Variants in FBRS observed in about 807,000 individuals in gnomAD.
The protein encoded by FBRS is probable fibrosin-1.
A neutral mutation model predicts 86.1 loss-of-function variants in FBRS; 15 were observed. The observed-to-expected ratio is 0.17, with a 90% CI of 0.12 to 0.27. The LOEUF (loss-of-function observed/expected upper bound fraction) is 0.27. FBRS is among the 10% of genes least tolerant of loss of function. The probability of loss-of-function intolerance (pLI) is 1.00; values close to 1 mark genes in which losing one functional copy is unlikely to be tolerated. For synonymous variants in FBRS, 666 were observed against 575.8 expected (o/e 1.16, Z -2.24); for missense variants, 1,367 against 1,301.6 (o/e 1.05, Z -0.77).
At chr16:30,662,308 C>A in intron 4 of FBRS, 112 bp from the exon 5 acceptor site, 1 of 1,482,830 alleles carries the variant, frequency 6.7e-7, no homozygotes, top group Non-Finnish European at 9.1e-7. Flanking sequence ...ACTGAAGGAA[C>A]AGACTTGCCA....
Position 30,659,789 on chromosome 16 carries a change from C to A in FBRS, c.271C>A (p.Pro91Thr). ...GCGGCCCCGTCCGAGACCTCGACCC[C>A]CGCGACCCCGAGCTCGGAAGCGGCC... ...RRRPRPRPRP[P>T]RPRARKRPAG... is the part of the protein sequence containing the mutation. The change falls in exon 1 of 18, where the codon CCG (proline) becomes ACG (threonine). Residue 91 changes from proline to threonine, a missense_variant. By Grantham distance (38) the Pro-to-Thr change is conservative (BLOSUM62 -1). This residue lies in a region of FBRS where 702 missense variants were observed against 598.7 expected (regional missense o/e 1.17). Transcript: ENST00000356166. 1 of 1,498,058 alleles carries A rather than the reference C, an allele frequency of 6.7e-7. No homozygotes were observed. Among genetic ancestry groups the A allele is most frequent in the African/African-American group, 1.4e-5 (1 of 70,954 alleles). The allele number at this position is 1,498,058 out of a possible 1,614,324, so 92.8% of individuals were successfully genotyped here. A position where few individuals can be genotyped will look rare whatever the true frequency, so the allele number is the denominator to read the frequency against.
At position 30,667,417 on chromosome 16, in the gene FBRS, C is replaced by A; in HGVS notation, c.1973C>A (p.Ala658Asp). 6.5e-7 allele frequency: 1 copy of A among 1,547,176 alleles called. No homozygotes were observed. The highest frequency in any genetic ancestry group is 8.7e-7 in the Non-Finnish European group (1 of 1,144,086). The change falls in exon 14 of 18, where the codon GCC becomes GAC. Residue 658 changes from alanine to aspartate, a missense_variant. By Grantham distance (126) the Ala-to-Asp change is moderately radical (BLOSUM62 -2). Coordinates refer to ENST00000356166, the MANE Select transcript of FBRS (RefSeq NM_001105079.3). ...LPPGQELSHPASLFTATGAVH... is the reference protein window; with the variant it reads ...LPPGQELSHPDSLFTATGAVH... ...CCTGGGCAGGAGCTCTCCCACCCGGCCTCCCTCTTCACTGCGACTGGTGAG... is the reference window on the plus strand; with the variant it reads ...CCTGGGCAGGAGCTCTCCCACCCGGACTCCCTCTTCACTGCGACTGGTGAG...
In FBRS at chr16:30,660,102, C is replaced by T. The variant is rs1170767219; in HGVS notation, c.459+125C>T. The stretch of plus-strand genomic sequence containing the variant: ...CCCCAAACCAGAGCAACCGGCTCCT[C>T]TGGCCAGGCCTCTGCCCCGCCCTGG... On this transcript the variant is annotated intron_variant, in intron 1 of 17. Coordinates refer to ENST00000356166, the MANE Select transcript of FBRS (RefSeq NM_001105079.3). 3 of 1,438,662 alleles carry T rather than the reference C, an allele frequency of 2.1e-6. No homozygotes were observed. In the East Asian group the frequency reaches 8.0e-5, roughly 38 times the overall value. The allele number at this position is 1,438,662 out of a possible 1,614,324, so 89.1% of individuals were successfully genotyped here.
In FBRS at chr16:30,666,797, T is replaced by C. The variant is rs573176649; in HGVS notation, c.1804-122T>C. 339 of 1,177,652 alleles carry C rather than the reference T, an allele frequency of 2.9e-4. 1 individual carries two copies. Among genetic ancestry groups the C allele is most frequent in the Non-Finnish European group, 3.2e-4 (258 of 807,968 alleles). 73.0% of individuals were successfully genotyped at this position (1,177,652 alleles called of 1,614,324 possible). ...TAAAATGAACCTAGTCATCCCTTGG[T>C]TGTAGGAATGATGAGTAGGGATATT... On this transcript the variant is annotated intron_variant, in intron 12 of 17. Coordinates refer to ENST00000356166, the MANE Select transcript of FBRS (RefSeq NM_001105079.3).
chr16:30,669,797 C>G lies in FBRS; in HGVS notation c.*152C>G. On this transcript the variant is annotated 3_prime_UTR_variant, in exon 18 of 18. Coordinates refer to ENST00000356166, the MANE Select transcript of FBRS (RefSeq NM_001105079.3). The surrounding 1 kb of genome is among the most constrained non-coding windows in gnomAD (Gnocchi z 5.9). ...GAACCTGGGAACAGAAGCCTCAACC[C>G]CCACAAGACCAAGCATCACATGGAG... The G allele has an allele frequency of 1.0e-6, 1 of 965,678 alleles. No individual in the cohort carries two copies. Among genetic ancestry groups the G allele is most frequent in the Non-Finnish European group, 1.5e-6 (1 of 671,190 alleles). The allele number at this position is 965,678 out of a possible 1,614,324, so 59.8% of individuals were successfully genotyped here. A position where few individuals can be genotyped will look rare whatever the true frequency, so the allele number is the denominator to read the frequency against.
chr16:30,668,546 C>A lies in FBRS; in HGVS notation c.2075-14C>A, dbSNP rs930984134. ...GCTGCCCAGTGCTCTGACCACCCCC[C>A]TTTCCTCCCACAGATCCCTTTGGGC... On this transcript the variant is annotated splice_polypyrimidine_tract_variant and intron_variant, in intron 15 of 17. Coordinates refer to ENST00000356166, the MANE Select transcript of FBRS (RefSeq NM_001105079.3). 1.2e-6 allele frequency: 2 copies of A among 1,606,876 alleles called. No homozygotes were observed. Among genetic ancestry groups the A allele is most frequent in the Admixed American group, 1.7e-5 (1 of 59,818 alleles).
rs565180270 is a variant in FBRS, at chr16:30,665,859, T to C, written c.1773+153T>C. The C allele has an allele frequency of 3.0e-6, 2 of 671,446 alleles. No homozygotes were observed. Among genetic ancestry groups the C allele is most frequent in the South Asian group, 2.0e-5 (1 of 49,632 alleles). 41.6% of individuals were successfully genotyped at this position (671,446 alleles called of 1,614,324 possible). ...TAGAGAGGGAATTTCTGTAAATAGC[T>C]GGCTTTCCCAGGCATGAGGAATGAG... is the stretch of plus-strand genomic sequence containing the variant. On this transcript the variant is annotated intron_variant, in intron 11 of 17. Transcript: ENST00000356166. The surrounding 1 kb of genome is among the most constrained non-coding windows in gnomAD (Gnocchi z 4.1).
chr16:30,667,714 T>C (rs1027695069), intron 15 of FBRS, 92 bp downstream of exon 15: 15 of 1,176,920 alleles, frequency 1.3e-5, no homozygotes, highest in African/African-American at 4.7e-5. Context: ...GAATGCAGGA[T>C]AGACCTGGTT....
In FBRS at chr16:30,660,407, G is replaced by C; in HGVS notation, c.604G>C (p.Ala202Pro). Residue 202 changes from alanine (A) to proline (P), a missense_variant, in exon 2 of 18, where the codon GCC (alanine) becomes CCC (proline). Ala to Pro is a conservative substitution (Grantham distance 27). Around this residue, in one of 3 missense-constraint regions of FBRS, gnomAD observed 702 missense variants for 598.7 expected, o/e 1.17. Transcript: ENST00000356166. ...GCCTGGCCGGCCCCCTGGGGATCGG[G>C]CCCGAAAATGGCCCAATAAGCGGAG... ...REPGRPPGDR[A>P]RKWPNKRRRK... is the part of the protein sequence containing the mutation. 1 of 1,260,558 alleles carries C rather than the reference G, an allele frequency of 7.9e-7. No individual in the cohort carries two copies. Among genetic ancestry groups the C allele is most frequent in the Non-Finnish European group, 1.0e-6 (1 of 993,628 alleles). 78.1% of individuals were successfully genotyped at this position (1,260,558 alleles called of 1,614,324 possible).
At chr16:30,664,572 A>T (rs1022161645) in intron 7 of FBRS, 56 bp downstream of exon 7, 3 of 1,427,992 alleles carry the variant, frequency 2.1e-6, no homozygotes, top group Non-Finnish European at 2.7e-6. Context: ...GCTCGGGCCC[A>T]GTTGGCTTTG....
At chr16:30,668,665 T>TGGGGGC in intron 16 of FBRS, 22 bp downstream of exon 16, 1 of 1,456,698 alleles carries the variant, frequency 6.9e-7, no homozygotes, top group Non-Finnish European at 9.6e-7. Context: ...TGCGGTGGGG[T>TGGGGGC]GGGGGGGCTG....
chr16:30,667,290 G>A, intron 13 of FBRS, 30 bp from the exon 14 acceptor site: 1 of 1,489,892 alleles, frequency 6.7e-7, no homozygotes, highest in Non-Finnish European at 9.1e-7. Flanking sequence ...GGCTCCTCAT[G>A]TACTGCCCCT....
chr16:30,665,344 T>TCCGGGCCTCCCG lies in FBRS; in HGVS notation c.1652_1663dup (p.Gly551_Pro554dup). The TCCGGGCCTCCCG allele has an allele frequency of 6.4e-7, 1 of 1,566,408 alleles. No homozygotes were observed. Among genetic ancestry groups the TCCGGGCCTCCCG allele is most frequent in the Non-Finnish European group, 8.6e-7 (1 of 1,156,634 alleles). On this transcript the variant is annotated inframe_insertion, in exon 10 of 18. Transcript: ENST00000356166. The surrounding 1 kb of genome is among the most constrained non-coding windows in gnomAD (Gnocchi z 4.1). ...TCCCTCCCGCAGTGCCCGGGCTGCC[T>TCCGGGCCTCCCG]CCGGGCCTCCCGCCGGCCGTCTCCT...
chr16:30,659,389 C>T lies in FBRS; in HGVS notation c.-130C>T, dbSNP rs1489856253. ...GGGGCAAGCTCGGGGCCAGCAGATC[C>T]GGCTTTAAAGGAGAAGCCGTGGCCC... On this transcript the variant is annotated 5_prime_UTR_variant, in exon 1 of 18. Transcript: ENST00000356166. 2 of 200,488 alleles carry T rather than the reference C, an allele frequency of 1.0e-5. No homozygotes were observed. The highest frequency in any genetic ancestry group is 2.4e-5 in the African/African-American group (1 of 42,342). 12.4% of individuals were successfully genotyped at this position (200,488 alleles called of 1,614,324 possible).
In FBRS at chr16:30,662,544, C is replaced by A; in HGVS notation, c.755-15C>A. ...ATGAGCCTCAACTGAGCATGTCTGCCATCCTGCCCCACAGCCTCGGGCCCC... is the reference window on the plus strand; with the variant it reads ...ATGAGCCTCAACTGAGCATGTCTGCAATCCTGCCCCACAGCCTCGGGCCCC... On this transcript the variant is annotated splice_polypyrimidine_tract_variant and intron_variant, in intron 5 of 17. Transcript: ENST00000356166. 2 of 1,547,080 alleles carry A rather than the reference C, an allele frequency of 1.3e-6. No individual in the cohort carries two copies. The highest frequency in any genetic ancestry group is 2.4e-5 in the South Asian group (2 of 83,900).
chr16:30,659,743 G>A lies in FBRS; in HGVS notation c.225G>A (p.Arg75=). 2 of 1,344,896 alleles carry A rather than the reference G, an allele frequency of 1.5e-6. No homozygotes were observed. The highest frequency in any genetic ancestry group is 2.0e-6 in the Non-Finnish European group (2 of 1,000,516). The allele number at this position is 1,344,896 out of a possible 1,614,324, so 83.3% of individuals were successfully genotyped here. ...RPWSSASSGE[R]PGGPRRRRPR... The stretch of plus-strand genomic sequence containing the variant: ...GGTCGTCAGCTTCGTCTGGAGAGCG[G>A]CCTGGGGGCCCGAGACGCCGGCGGC... The change falls in exon 1 of 18, where the codon CGG becomes CGA. Residue 75 remains arginine, a synonymous_variant. Transcript: ENST00000356166.
In FBRS at chr16:30,669,989, A is replaced by G. The variant is rs1461893675; in HGVS notation, c.*344A>G. On this transcript the variant is annotated 3_prime_UTR_variant, in exon 18 of 18. Coordinates refer to ENST00000356166, the MANE Select transcript of FBRS (RefSeq NM_001105079.3). The surrounding 1 kb of genome is among the most constrained non-coding windows in gnomAD (Gnocchi z 5.9). ...TGCCTCCCCAAGGGCTCACTAAGCC[A>G]GAGGCCAAAGTGCCCCCTCCCGTTC... The G allele has an allele frequency of 9.6e-6, 5 of 519,952 alleles. No individual in the cohort carries two copies. In the Admixed American group the frequency reaches 1.3e-4, roughly 14 times the overall value. The allele number at this position is 519,952 out of a possible 1,614,324, so 32.2% of individuals were successfully genotyped here.
Position 30,668,894 on chromosome 16 carries a change from C to A in FBRS, c.2281C>A (p.Pro761Thr), listed in dbSNP as rs1250341944. 3.2e-6 allele frequency: 5 copies of A among 1,585,916 alleles called. No homozygotes were observed. In the African/African-American group the frequency reaches 4.0e-5, roughly 13 times the overall value. ...PLTFPAWVRP[P>T]EAARTPGSDK... ...GACCTTTCCTGCCTGGGTCCGGCCC[C>A]CTGAGGCCGCCCGGACTCCAGGCTC... The change falls in exon 17 of 18, where the codon CCT (proline) becomes ACT (threonine). Residue 761 changes from proline (P) to threonine (T), a missense_variant. Transcript: ENST00000356166.
In FBRS at chr16:30,665,172, G is replaced by A; in HGVS notation, c.1608+93G>A. 2 of 1,545,206 alleles carry A rather than the reference G, an allele frequency of 1.3e-6. No individual in the cohort carries two copies. Among genetic ancestry groups the A allele is most frequent in the Non-Finnish European group, 1.7e-6 (2 of 1,143,902 alleles). On this transcript the variant is annotated intron_variant, in intron 9 of 17. Transcript: ENST00000356166. This position sits in a 1 kb window ranked among gnomAD's most constrained non-coding sequence, Gnocchi z 4.1. ...CCTGACTGCTGGGGTCCAGTCTTCA[G>A]CACAAAAGCAAGAGCCTTGAGCCTG...
Sources: allele counts gnomAD v4.1 joint callset, GRCh38; gene constraint gnomAD v4.1.1; regional missense constraint gnomAD v4.1.1; non-coding constraint Gnocchi (gnomAD v3.1); transcripts MANE v1.5; gene names NCBI Gene and HGNC (gene_info 2026-07-23, HGNC 2026-07-21).